NRDC: variants seen among roughly 807,000 people sequenced by gnomAD.
The protein encoded by NRDC is nardilysin convertase.
NRDC carries 54 observed loss-of-function variants against 147.1 expected under a neutral mutation model. The observed-to-expected ratio is 0.37, with a 90% confidence interval of 0.29 to 0.46. The LOEUF is 0.46. Among genes scored for constraint, NRDC ranks in the 20% least tolerant of loss-of-function variants. The pLI is 1.00. For synonymous variants in NRDC, 440 were observed against 482.1 expected (o/e 0.91, Z 1.14); for missense variants, 1,082 against 1,370.6 (o/e 0.79, Z 3.33).
intron 13 of NRDC, 102 bp from the exon 14 acceptor site, chr1:51,814,191 G>T: frequency 1.4e-6 from 1 of 722,128 alleles, no homozygotes; most frequent in Non-Finnish European, 2.4e-6. Context: ...TAACTATTGG[G>T]TAGTAGGCTT....
At chr1:51,791,683 T>C in intron 26 of NRDC, 22 bp from the exon 27 acceptor site, 1 of 1,580,360 alleles carries the variant, frequency 6.3e-7, no homozygotes. Flanking sequence ...AGAGAAAAGT[T>C]ATATGAGCTC....
intron 9 of NRDC, among the ~76,000 whole-genome samples, chr1:51,819,079 A>G (rs1278901741): frequency 1.3e-5 from 2 of 152,198 alleles, no homozygotes; most frequent in Admixed American, 6.5e-5. Context: ...AGGCAGGCGG[A>G]TCACTTGAGG....
intron 20 of NRDC, among the ~76,000 whole-genome samples, chr1:51,802,537 T>A (rs1571847367): frequency 6.6e-6 from 1 of 152,238 alleles, no homozygotes; most frequent in Non-Finnish European, 1.5e-5. Flanking sequence ...TGCTTGAAAC[T>A]TAAGCTACAT....
At chr1:51,843,366 C>A (rs1196752674) in intron 1 of NRDC, among the ~76,000 whole-genome samples, 1 of 150,658 alleles carries the variant, frequency 6.6e-6, no homozygotes, top group East Asian at 1.9e-4. Flanking sequence ...CACAAGTTAA[C>A]CACCAAATAC....
intron 14 of NRDC, among the ~76,000 whole-genome samples, chr1:51,812,809 G>A (rs1486947157): frequency 2.0e-5 from 3 of 151,904 alleles, no homozygotes; most frequent in Non-Finnish European, 4.4e-5. Flanking sequence ...AAATCAAAAT[G>A]TGTTGGGCCG....
rs748725033 is a variant in NRDC at position 51,878,402 on chromosome 1, G to A, written c.214C>T (p.Leu72=). The A allele has an allele frequency of 2.2e-5, 36 of 1,614,022 alleles. No homozygotes were observed. The highest frequency in any genetic ancestry group is 1.4e-4 in the South Asian group (13 of 91,090). Reference sequence around the variant, plus strand: ...CGGGCAACCCGGCTGTTCTCGCCCAGATCCTGTCCATTGGGCTGCAGGTCA... The same window carrying A: ...CGGGCAACCCGGCTGTTCTCGCCCAAATCCTGTCCATTGGGCTGCAGGTCA... ...CPDLQPNGQD[L]GENSRVARLG... Residue 72 remains leucine, a synonymous_variant, in exon 1 of 31, where the codon CTG becomes TTG. Transcript: ENST00000352171.
At chr1:51,844,194 T>A (rs1360495245) in intron 1 of NRDC, among the ~76,000 whole-genome samples, 1 of 151,956 alleles carries the variant, frequency 6.6e-6, no homozygotes, top group African/African-American at 2.4e-5. Flanking sequence ...CTCAGCAGGC[T>A]AAGTAAAGCA....
intron 1 of NRDC, among the ~76,000 whole-genome samples, chr1:51,871,937 T>A (rs1379355985): frequency 6.6e-6 from 1 of 152,134 alleles, no homozygotes; most frequent in East Asian, 1.9e-4. Flanking sequence ...GTGGGCGCGA[T>A]CTTGACTCAC....
chr1:51,869,485 T>G (rs1024258665), intron 1 of NRDC, among the ~76,000 whole-genome samples: 3 of 152,194 alleles, frequency 2.0e-5, no homozygotes, highest in Non-Finnish European at 4.4e-5. Flanking sequence ...ATAACAGTAA[T>G]GTTTTTTCCT....
In NRDC at chr1:51,790,982, A is replaced by G; in HGVS notation, c.2969T>C (p.Val990Ala). ...AAACTCTTCTATCTTCTTATCAACA[A>G]CTTCAGAACTGAAACAAAACATCTT... is the stretch of plus-strand genomic sequence containing the variant. ...GTQATKYNSE[V>A]VDKKIEEFLS... Residue 990 changes from valine to alanine, a missense_variant, in exon 28 of 31, where the codon GTT (valine) becomes GCT (alanine). Physicochemically the swap from Val to Ala is moderately conservative, Grantham distance 64 (BLOSUM62 0). Transcript: ENST00000352171. 3.1e-6 allele frequency: 5 copies of G among 1,609,866 alleles called. No individual in the cohort carries two copies. The highest frequency in any genetic ancestry group is 3.4e-6 in the Non-Finnish European group (4 of 1,177,062).
chr1:51,795,833 A>C (rs1678874347), intron 22 of NRDC: 1 of 151,916 alleles, frequency 6.6e-6, no homozygotes, highest in South Asian at 2.1e-4. Flanking sequence ...CTTCTCTCTC[A>C]CTCCCACTGA....
rs1679845388 is a variant in NRDC, at chr1:51,814,021, T to A, written c.1674+14A>T. The A allele has an allele frequency of 6.4e-7, 1 of 1,566,086 alleles. No individual in the cohort carries two copies. The highest frequency in any genetic ancestry group is 2.3e-5 in the East Asian group (1 of 44,182). On this transcript the variant is annotated intron_variant, in intron 14 of 30. Transcript: ENST00000352171. ...GTCACAGATAACATGCAAAAAGAATTTGACTTCCAGTACCTGTTCTTGGTA... is the reference window on the plus strand; with the variant it reads ...GTCACAGATAACATGCAAAAAGAATATGACTTCCAGTACCTGTTCTTGGTA...
In NRDC at chr1:51,876,758, T is replaced by A. The variant is rs537073300; in HGVS notation, c.341+1517A>T. On this transcript the variant is annotated intron_variant, in intron 1 of 30. Transcript: ENST00000352171. ...GTCCTGAACTTGGAGCTAAGTGTCATCTGTCAAAGAGGTGTGGTGGGAAGT... is the reference window on the plus strand; with the variant it reads ...GTCCTGAACTTGGAGCTAAGTGTCAACTGTCAAAGAGGTGTGGTGGGAAGT... Among the ~76,000 whole-genome samples, 4 of 152,344 alleles carry A rather than the reference T, an allele frequency of 2.6e-5. No homozygotes were observed. The South Asian group carries it at 8.3e-4, about 32-fold the overall frequency.
rs990639473 is a variant in NRDC, at chr1:51,878,682, G to A, written c.-67C>T. On this transcript the variant is annotated 5_prime_UTR_variant, in exon 1 of 31. Transcript: ENST00000352171. ...CCCACCTCCTCCGCGTTCTAGAGGC[G>A]GTGGCGGCCGGCCCTGGTGCTGCCG... The A allele has an allele frequency of 1.4e-6, 2 of 1,415,356 alleles. No individual in the cohort carries two copies. Among genetic ancestry groups the A allele is most frequent in the African/African-American group, 2.8e-5 (2 of 70,852 alleles). 87.7% of individuals were successfully genotyped at this position (1,415,356 alleles called of 1,614,324 possible).
chr1:51,828,212 C>T (rs141863356), intron 4 of NRDC, among the ~76,000 whole-genome samples: 103 of 152,344 alleles, frequency 6.8e-4, no homozygotes, highest in African/African-American at 2.3e-3. Context: ...GAATGTATAG[C>T]AGTAATTTCT....
chr1:51,827,765 A>C (rs1007718114), intron 5 of NRDC, 31 bp downstream of exon 5: 74 of 1,565,206 alleles, frequency 4.7e-5, no homozygotes, highest in Non-Finnish European at 6.5e-5. Context: ...GAAGGAAAAA[A>C]CTGTAGTTAC....
At position 51,840,506 on chromosome 1, in the gene NRDC, T is replaced by G; in HGVS notation, c.350A>C (p.Lys117Thr). Reference protein sequence around the residue: ...PSDPKQYRYIKLQNGLQALLI... With the variant: ...PSDPKQYRYITLQNGLQALLI... ...AAGTGCCTGCAAGCCATTCTGTAAT[T>G]TGATGTATCTGGGGGGAGAAAAAAA... Residue 117 changes from lysine to threonine, a missense_variant, in exon 2 of 31, where the codon AAA becomes ACA. Around this residue, in one of 3 missense-constraint regions of NRDC, gnomAD observed 260 missense variants for 253.2 expected, o/e 1.03. Transcript: ENST00000352171. The G allele has an allele frequency of 6.2e-7, 1 of 1,600,164 alleles. No individual in the cohort carries two copies. The highest frequency in any genetic ancestry group is 8.5e-7 in the Non-Finnish European group (1 of 1,174,716).
At chr1:51,817,161 G>A (rs1432142329) in intron 10 of NRDC, among the ~76,000 whole-genome samples, 1 of 152,138 alleles carries the variant, frequency 6.6e-6, no homozygotes, top group Non-Finnish European at 1.5e-5. Flanking sequence ...ATTCTTGAAT[G>A]TCAAGATATG....
chr1:51,825,250 G>A (rs1295161350), intron 6 of NRDC, 37 bp downstream of exon 6: 2 of 1,249,320 alleles, frequency 1.6e-6, no homozygotes, highest in Non-Finnish European at 2.3e-6. Flanking sequence ...ATCTTAACTA[G>A]AAAATATGAA....
Sources: gnomAD v4.1 joint callset for allele counts (sites outside exome capture counted in the v4.1 genomes callset) on GRCh38, gnomAD v4.1.1 for gene constraint, gnomAD v4.1.1 regional missense constraint, MANE v1.5 for transcripts, NCBI Gene and HGNC (gene_info 2026-07-23, HGNC 2026-07-21) for gene names.